Variants in KAT6B observed in about 807,000 individuals in gnomAD.
KAT6B encodes histone acetyltransferase KAT6B.
In KAT6B, 10 loss-of-function variants were observed where a neutral mutation model predicts 187.5. The ratio of observed to expected loss-of-function variants is 0.05; its 90% CI spans 0.03 to 0.09. The LOEUF (loss-of-function observed/expected upper bound fraction) is 0.09. KAT6B is among the 10% of genes least tolerant of loss of function. The pLI is 1.00. For missense variants in KAT6B, 1,952 were observed against 2,558.9 expected, an observed-to-expected ratio of 0.76 and a Z score of 5.12; for synonymous variants, 861 against 926.8, an observed-to-expected ratio of 0.93 and a Z score of 1.29.
intron 3 of KAT6B, among the ~76,000 whole-genome samples, chr10:74,862,816 T>TC (rs1050986543): frequency 2.8e-4 from 43 of 152,104 alleles, no homozygotes; most frequent in Admixed American, 2.3e-3. Context: ...GGTGAGCTTG[T>TC]CCTCAGCCTC....
At chr10:74,994,937 G>T (rs1843335175) in intron 13 of KAT6B, among the ~76,000 whole-genome samples, 1 of 152,112 alleles carries the variant, frequency 6.6e-6, no homozygotes, top group Admixed American at 6.5e-5. Context: ...CCATGTATGT[G>T]CACATATACA....
rs1360341227 is a variant in KAT6B, at chr10:74,976,081, A to G, written c.1744A>G (p.Lys582Glu). 6.2e-7 allele frequency: 1 copy of G among 1,614,214 alleles called. No individual in the cohort carries two copies. Among genetic ancestry groups the G allele is most frequent in the Non-Finnish European group, 8.5e-7 (1 of 1,180,042 alleles). Residue 582 changes from lysine (K) to glutamate (E), a missense_variant, in exon 8 of 18, where the codon AAA (lysine) becomes GAA (glutamate). Lys to Glu is a moderately conservative substitution (Grantham distance 56). Around this residue, in one of 9 missense-constraint regions of KAT6B, gnomAD observed 417 missense variants for 508.9 expected, o/e 0.82. Transcript: ENST00000287239. ...TAAAACTGAATTATCTTCCACGGCA[A>G]AATCTAAAGCCCACTTCTTTGGCAA... Reference protein sequence around the residue: ...RRKTELSSTAKSKAHFFGKRD... With the variant: ...RRKTELSSTAESKAHFFGKRD...
chr10:74,956,625 A>G (rs150076686), intron 3 of KAT6B, among the ~76,000 whole-genome samples: 218 of 152,272 alleles, frequency 1.4e-3, no homozygotes, highest in African/African-American at 4.8e-3. Context: ...GTGTTTGAGT[A>G]CAGCTCTACA....
intron 3 of KAT6B, among the ~76,000 whole-genome samples, chr10:74,855,823 C>T (rs1842780344): frequency 6.6e-6 from 1 of 152,172 alleles, no homozygotes; most frequent in East Asian, 1.9e-4. Context: ...AACATTTTGC[C>T]ACATTCTTTC....
chr10:74,850,553 C>T (rs1212389157), intron 3 of KAT6B, among the ~76,000 whole-genome samples: 1 of 152,096 alleles, frequency 6.6e-6, no homozygotes, highest in African/African-American at 2.4e-5. Context: ...AGCATAAATT[C>T]TTTGTATTTA....
chr10:74,992,536 A>G (rs569276781), intron 13 of KAT6B, among the ~76,000 whole-genome samples: 4 of 152,350 alleles, frequency 2.6e-5, no homozygotes, highest in East Asian at 1.9e-4. Context: ...GTTGTACCAC[A>G]TATCGCTAGC....
chr10:74,827,944 A>C (rs1196076557), intron 1 of KAT6B, among the ~76,000 whole-genome samples: 1 of 152,140 alleles, frequency 6.6e-6, no homozygotes, highest in Non-Finnish European at 1.5e-5. Context: ...GACGTGAGCT[A>C]TGGCGACCCG....
In KAT6B at chr10:74,910,351, G is replaced by C. The variant is rs187605674; in HGVS notation, c.622-49619G>C. Among the ~76,000 whole-genome samples, 56 of 152,214 alleles carry C rather than the reference G, an allele frequency of 3.7e-4. No individual in the cohort carries two copies. The Middle Eastern group carries it at 0.014, about 37-fold the overall frequency. On this transcript the variant is annotated intron_variant, in intron 3 of 17. Transcript: ENST00000287239. The stretch of plus-strand genomic sequence containing the variant: ...TTTCTCAATAATAATGGCATGAAAA[G>C]AATTTTTTCTGTGCCTTTTCAAAAT...
chr10:74,955,028 C>T (rs1840576920), intron 3 of KAT6B, among the ~76,000 whole-genome samples: 1 of 152,190 alleles, frequency 6.6e-6, no homozygotes, highest in Non-Finnish European at 1.5e-5. Flanking sequence ...ACCCCTCCCT[C>T]ACCCCTCTAC....
chr10:74,964,969 A>G (rs191062946), intron 4 of KAT6B, among the ~76,000 whole-genome samples: 1 of 152,346 alleles, frequency 6.6e-6, no homozygotes, highest in Admixed American at 6.5e-5. Context: ...ACCTCAATCT[A>G]GGCTTCACCC....
chr10:74,912,410 T>TAGATAGATAGATAGATAGATAGAA (rs1344081593), intron 3 of KAT6B, among the ~76,000 whole-genome samples: 2 of 151,824 alleles, frequency 1.3e-5, no homozygotes, highest in Admixed American at 6.6e-5. Flanking sequence ...GATAGATAGA[T>TAGATAGATAGATAGATAGATAGAA]AGAAAGATAG....
At position 75,028,736 on chromosome 10, in the gene KAT6B, C is replaced by T; in HGVS notation, c.3912C>T (p.Pro1304=). The T allele has an allele frequency of 1.2e-6, 2 of 1,614,056 alleles. No homozygotes were observed. The highest frequency in any genetic ancestry group is 1.7e-6 in the Non-Finnish European group (2 of 1,180,030). The change falls in exon 18 of 18, where the codon CCC becomes CCT. Residue 1304 remains proline, a synonymous_variant. Coordinates refer to ENST00000287239, the MANE Select transcript of KAT6B (RefSeq NM_012330.4). ...CAGAAGGAAAAACCAGCCCCAGTCCCATCAGGATTGAGGAGGAGGTCAAGG... is the reference window on the plus strand; with the variant it reads ...CAGAAGGAAAAACCAGCCCCAGTCCTATCAGGATTGAGGAGGAGGTCAAGG... ...ETSEGKTSPS[P]IRIEEEVKET... is the part of the protein sequence containing the mutation.
chr10:74,880,289 G>C (rs1017624678), intron 3 of KAT6B, among the ~76,000 whole-genome samples: 1 of 152,160 alleles, frequency 6.6e-6, no homozygotes, highest in African/African-American at 2.4e-5. Context: ...ATAACTTTGC[G>C]TATTTTAGAC....
chr10:74,938,393 C>CA (rs1849413828), intron 3 of KAT6B, among the ~76,000 whole-genome samples: 1 of 152,122 alleles, frequency 6.6e-6, no homozygotes, highest in Non-Finnish European at 1.5e-5. Context: ...TGGCTCCCTA[C>CA]ATAGACTACC....
chr10:74,968,839 A>G (rs1420911876), intron 4 of KAT6B, among the ~76,000 whole-genome samples: 1 of 152,178 alleles, frequency 6.6e-6, no homozygotes. Context: ...TCTATTACAC[A>G]CTGGCTCATG....
chr10:75,017,766 C>A (rs955187120), intron 13 of KAT6B, among the ~76,000 whole-genome samples: 3 of 152,252 alleles, frequency 2.0e-5, no homozygotes, highest in African/African-American at 7.2e-5. Context: ...GTCCTACATC[C>A]ACCAAGCACG....
chr10:74,900,488 A>G (rs1033773274), intron 3 of KAT6B, among the ~76,000 whole-genome samples: 1 of 152,192 alleles, frequency 6.6e-6, no homozygotes, highest in African/African-American at 2.4e-5. Flanking sequence ...ATGGCTGCCC[A>G]TACCTTCTGC....
intron 4 of KAT6B, among the ~76,000 whole-genome samples, chr10:74,963,417 A>G (rs1483914100): frequency 1.3e-5 from 2 of 152,234 alleles, no homozygotes; most frequent in Non-Finnish European, 2.9e-5. Flanking sequence ...AGATAAGTGT[A>G]CAGTTCAAAA....
upstream of KAT6B, among the ~76,000 whole-genome samples, chr10:74,825,928 G>T (rs1840167677): frequency 6.6e-6 from 1 of 151,590 alleles, no homozygotes; most frequent in Non-Finnish European, 1.5e-5. This position sits in a 1 kb window ranked among gnomAD's most constrained non-coding sequence, Gnocchi z 5.0. Context: ...GGGACGGGAC[G>T]GGAGAGAGGG....
Sources: allele counts gnomAD v4.1 joint callset (sites outside exome capture counted in the v4.1 genomes callset), GRCh38; gene constraint gnomAD v4.1.1; regional missense constraint gnomAD v4.1.1; non-coding constraint Gnocchi (gnomAD v3.1); transcripts MANE v1.5; gene names NCBI Gene and HGNC (gene_info 2026-07-23, HGNC 2026-07-21).